Variants in VBP1 observed in about 807,000 individuals in gnomAD.
The protein encoded by VBP1 is prefoldin subunit 3.
In VBP1, 4 loss-of-function variants were observed where a neutral mutation model predicts 15.5. The ratio of observed to expected loss-of-function variants is 0.26; its 90% CI spans 0.13 to 0.59. The LOEUF (loss-of-function observed/expected upper bound fraction) is 0.59, where lower values mean the gene tolerates loss of function less well. VBP1 is among the 20% of genes least tolerant of loss of function. The pLI is 0.90. For missense variants in VBP1, 108 were observed against 139.6 expected (o/e 0.77, Z 1.14); for synonymous variants, 61 against 52.1 (o/e 1.17, Z -0.74).
At chrX:155,212,995 C>T (rs1557308641), upstream of VBP1, 1 of 112,465 alleles carries the variant, frequency 8.9e-6, no homozygotes, top group Non-Finnish European at 1.9e-5. Flanking sequence ...TACCAGCACA[C>T]TCAACAACCC....
At chrX:155,205,464 C>T (rs1557307965) in intron 1 of VBP1, among the ~76,000 whole-genome samples, 1 of 111,748 alleles carries the variant, frequency 8.9e-6, no homozygotes, top group Admixed American at 9.6e-5. Flanking sequence ...CTTAATACAT[C>T]TTTCTTTCAC....
At chrX:155,208,783 G>T in intron 1 of VBP1, 1 of 484,279 alleles carries the variant, frequency 2.1e-6, no homozygotes, top group Non-Finnish European at 3.3e-6. Context: ...TTTACTCTAG[G>T]GGGCTACTTG....
intron 1 of VBP1, among the ~76,000 whole-genome samples, chrX:155,203,860 G>A (rs1169419142): frequency 8.9e-6 from 1 of 111,836 alleles, no homozygotes; most frequent in Non-Finnish European, 1.9e-5. Flanking sequence ...TAGTCAAAGA[G>A]GACATAGTAT....
intron 4 of VBP1, among the ~76,000 whole-genome samples, chrX:155,234,109 GTTTTTTTTTTTTTTTTT>G (rs35367656): frequency 3.5e-5 from 1 of 28,691 alleles, no homozygotes; most frequent in Non-Finnish European, 5.7e-5. Context: ...TTGTTCCTCT[GTTTTTTTTTTTTTTTTT>G]TTTTTTTTTT....
chrX:155,204,161 T>A (rs926826261), intron 1 of VBP1, among the ~76,000 whole-genome samples: 13 of 108,324 alleles, frequency 1.2e-4, no homozygotes, highest in Non-Finnish European at 2.3e-4. Flanking sequence ...TTTGAAAACA[T>A]TTTTTTTTTG....
intron 1 of VBP1, among the ~76,000 whole-genome samples, chrX:155,205,569 A>G (rs1470307862): frequency 8.9e-6 from 1 of 111,864 alleles, no homozygotes; most frequent in Non-Finnish European, 1.9e-5. Context: ...GGGTCACTGC[A>G]GTAGCCTCCT....
chrX:155,199,533 A>C (rs2074593163), intron 1 of VBP1, among the ~76,000 whole-genome samples: 1 of 111,716 alleles, frequency 9.0e-6, no homozygotes, highest in Non-Finnish European at 1.9e-5. Flanking sequence ...AGGAGAAATA[A>C]AATCCTTTAC....
chrX:155,230,877 C>A (rs1275119597), intron 4 of VBP1, among the ~76,000 whole-genome samples: 16 of 111,283 alleles, frequency 1.4e-4, no homozygotes, highest in African/African-American at 4.9e-4. Context: ...GGGGTTTTGC[C>A]ATTTTGGCCA....
intron 4 of VBP1, among the ~76,000 whole-genome samples, chrX:155,231,719 T>A (rs2124093457): frequency 8.9e-6 from 1 of 112,444 alleles, no homozygotes; most frequent in African/African-American, 3.2e-5. Context: ...AAAAATGGGA[T>A]ATATATTGTA....
chrX:155,206,776 T>C (rs1269889722), intron 1 of VBP1, among the ~76,000 whole-genome samples: 1 of 111,105 alleles, frequency 9.0e-6, no homozygotes, highest in Non-Finnish European at 1.9e-5. Flanking sequence ...ACACTCTCCC[T>C]TCCTAGAGTT....
chrX:155,207,807 A>G (rs2074631231), intron 1 of VBP1, among the ~76,000 whole-genome samples: 1 of 111,850 alleles, frequency 8.9e-6, no homozygotes, highest in Non-Finnish European at 1.9e-5. Context: ...GTTTCTGATT[A>G]TATTTAATAT....
chrX:155,208,125 C>G (rs922387862), intron 1 of VBP1, among the ~76,000 whole-genome samples: 2 of 112,254 alleles, frequency 1.8e-5, no homozygotes, highest in East Asian at 2.8e-4. Flanking sequence ...GGAGTTTACA[C>G]ACTATCTACA....
chrX:155,222,074 T>C (rs1485084918), intron 2 of VBP1, among the ~76,000 whole-genome samples: 2 of 112,962 alleles, frequency 1.8e-5, no homozygotes, highest in Non-Finnish European at 3.7e-5. Flanking sequence ...AGCTGTTTTC[T>C]TAATTTTTTA....
intron 5 of VBP1, 103 bp downstream of exon 5, chrX:155,236,470 T>G (rs1451827386): frequency 2.1e-6 from 2 of 962,544 alleles, no homozygotes; most frequent in South Asian, 2.4e-5. Context: ...AAATAGCTGA[T>G]GCATGCTGGG....
chrX:155,237,916 G>C (rs2074781500), intron 5 of VBP1, among the ~76,000 whole-genome samples: 1 of 111,702 alleles, frequency 9.0e-6, no homozygotes, highest in African/African-American at 3.3e-5. Flanking sequence ...GTTTATGGTT[G>C]GCTGAGGGAA....
At chrX:155,200,587 A>G (rs1214218613) in intron 1 of VBP1, among the ~76,000 whole-genome samples, 1 of 109,211 alleles carries the variant, frequency 9.2e-6, no homozygotes, top group East Asian at 2.8e-4. Context: ...ACATACCAGA[A>G]TCTCTGGGAC....
chrX:155,221,698 T>C (rs2074690396), intron 2 of VBP1, among the ~76,000 whole-genome samples: 1 of 112,134 alleles, frequency 8.9e-6, no homozygotes, highest in Admixed American at 9.4e-5. Context: ...GATAGCTGTG[T>C]AGAATTTCAA....
intron 1 of VBP1, among the ~76,000 whole-genome samples, chrX:155,200,781 G>A (rs1557307319): frequency 1.8e-5 from 2 of 109,689 alleles, no homozygotes; most frequent in African/African-American, 6.7e-5. Context: ...GAAGGAAATA[G>A]AGACACAAAA....
chrX:155,233,362 G>A (rs1232649582), intron 4 of VBP1, among the ~76,000 whole-genome samples: 1 of 111,697 alleles, frequency 9.0e-6, no homozygotes, highest in East Asian at 2.8e-4. Flanking sequence ...TGCAATCCTT[G>A]GCTCATGGTC....
Sources: allele counts gnomAD v4.1 joint callset (sites outside exome capture counted in the v4.1 genomes callset), GRCh38; gene constraint gnomAD v4.1.1; transcripts MANE v1.5; gene names NCBI Gene and HGNC (gene_info 2026-07-23, HGNC 2026-07-21).